The following SUCLA2 variants were observed in gnomAD, a reference collection of about 807,000 sequenced individuals.
SUCLA2 encodes succinate--CoA ligase [ADP-forming] subunit beta, mitochondrial.
Under a neutral mutation model 54.8 loss-of-function variants are expected in SUCLA2, and 30 were observed. The observed-to-expected ratio is 0.55, with a 90% CI of 0.41 to 0.74. SUCLA2 has a LOEUF of 0.74. Ranked by LOEUF, SUCLA2 falls within the 30% of genes least tolerant of loss-of-function variation. The probability of loss-of-function intolerance (pLI) is 0.00; values close to 1 mark genes in which losing one functional copy is unlikely to be tolerated. For missense variants in SUCLA2, 476 were observed against 562.9 expected (o/e 0.85, Z 1.56); for synonymous variants, 172 against 188.9 (o/e 0.91, Z 0.74).
At chr13:47,954,350 A>T (rs1949801816) in intron 7 of SUCLA2, 46 bp downstream of exon 7, 2 of 1,613,724 alleles carry the variant, frequency 1.2e-6, no homozygotes, top group African/African-American at 2.7e-5. Flanking sequence ...TAGTAAATCC[A>T]AATTAAACTT....
intron 5 of SUCLA2, chr13:47,971,570 T>C (rs562371549): frequency 2.2e-5 from 6 of 273,776 alleles, no homozygotes; most frequent in Non-Finnish European, 4.0e-5. Context: ...GGGGGAAGAA[T>C]GGAGGGGAAG....
intron 1 of SUCLA2, among the ~76,000 whole-genome samples, chr13:47,999,710 GA>G (rs11346941): frequency 0.83 from 119,554 of 144,072 alleles, 49,474 homozygotes; most frequent in East Asian, 0.96. Flanking sequence ...CCGTCTCAAG[GA>G]AAAAAAAAAA....
intron 4 of SUCLA2, among the ~76,000 whole-genome samples, chr13:47,974,180 A>G (rs1949990304): frequency 1.3e-5 from 2 of 152,316 alleles, no homozygotes; most frequent in South Asian, 2.1e-4. Context: ...CTGAGGGGAC[A>G]TTAAAAGTAT....
intron 4 of SUCLA2, among the ~76,000 whole-genome samples, chr13:47,985,693 A>T (rs1292293223): frequency 6.6e-6 from 1 of 152,154 alleles, no homozygotes; most frequent in East Asian, 1.9e-4. Context: ...TGCTGCAGTG[A>T]ACATACCGAT....
At chr13:47,970,050 C>G (rs572803848) in intron 5 of SUCLA2, among the ~76,000 whole-genome samples, 1 of 149,956 alleles carries the variant, frequency 6.7e-6, no homozygotes, top group Non-Finnish European at 1.5e-5. Flanking sequence ...TGCAGTGAGC[C>G]GAGATCACAC....
chr13:47,965,792 T>C (rs966184529), intron 6 of SUCLA2, among the ~76,000 whole-genome samples: 1 of 152,246 alleles, frequency 6.6e-6, no homozygotes, highest in Admixed American at 6.5e-5. Context: ...CTTGCGCCTG[T>C]AATCCCAGGA....
intron 8 of SUCLA2, among the ~76,000 whole-genome samples, chr13:47,953,193 C>T (rs1949790409): frequency 6.6e-6 from 1 of 152,138 alleles, no homozygotes; most frequent in Non-Finnish European, 1.5e-5. Flanking sequence ...ATGTCAGTCC[C>T]CTACACTGTA....
chr13:47,949,450 T>A, intron 9 of SUCLA2, 33 bp downstream of exon 9: 1 of 1,612,408 alleles, frequency 6.2e-7, no homozygotes, highest in Non-Finnish European at 8.5e-7. Flanking sequence ...TTTAAAGAAT[T>A]AGGAACAACT....
rs1949700047 is a variant in SUCLA2 at position 47,943,269 on chromosome 13, A to G, written c.*102T>C. ...GTTTGTGTGCCTAGATGGCAATTAC[A>G]ATCTCCACACACTAAAAAGAAAAAG... On this transcript the variant is annotated 3_prime_UTR_variant, in exon 11 of 11. Coordinates refer to ENST00000646932, the MANE Select transcript of SUCLA2 (RefSeq NM_003850.3). 8.4e-7 allele frequency: 1 copy of G among 1,189,754 alleles called. No homozygotes were observed. Among genetic ancestry groups the G allele is most frequent in the African/African-American group, 1.5e-5 (1 of 66,576 alleles). 73.7% of individuals were successfully genotyped at this position (1,189,754 alleles called of 1,614,324 possible). A position where few individuals can be genotyped will look rare whatever the true frequency, so the allele number is the denominator to read the frequency against.
chr13:47,968,465 T>C, intron 6 of SUCLA2, 130 bp downstream of exon 6: 1 of 1,019,568 alleles, frequency 9.8e-7, no homozygotes, highest in Non-Finnish European at 1.4e-6. Context: ...TCATTCTATC[T>C]GATTTTTTTT....
At chr13:47,959,344 T>C (rs951832582) in intron 6 of SUCLA2, among the ~76,000 whole-genome samples, 12 of 80,170 alleles carry the variant, frequency 1.5e-4, no homozygotes, top group African/African-American at 5.1e-4. Context: ...ATAATAATTT[T>C]GTATGTGAAA....
chr13:47,978,831 A>C (rs1283979204), intron 4 of SUCLA2, among the ~76,000 whole-genome samples: 1 of 152,208 alleles, frequency 6.6e-6, no homozygotes, highest in African/African-American at 2.4e-5. Context: ...AGAAAAAAAC[A>C]ACCCCATCAA....
chr13:47,986,034 T>TTC (rs759902234), intron 4 of SUCLA2, among the ~76,000 whole-genome samples: 1 of 130,984 alleles, frequency 7.6e-6, no homozygotes, highest in African/African-American at 2.8e-5. Context: ...GTATAGTTTT[T>TTC]TTTTTTTTTT....
intron 1 of SUCLA2, among the ~76,000 whole-genome samples, chr13:48,000,267 A>G (rs1249069929): frequency 6.6e-6 from 1 of 152,222 alleles, no homozygotes; most frequent in Non-Finnish European, 1.5e-5. Flanking sequence ...GCCCTTCCAC[A>G]GTTTTTTGTT....
At chr13:47,945,422 C>CAAAAAAAAAA (rs10661341) in intron 10 of SUCLA2, among the ~76,000 whole-genome samples, 2 of 50,010 alleles carry the variant, frequency 4.0e-5, no homozygotes, top group Admixed American at 3.6e-4. Flanking sequence ...GACTCAGTCT[C>CAAAAAAAAAA]AAAAAAAAAA....
chr13:47,965,807 C>T (rs750215506), intron 6 of SUCLA2, among the ~76,000 whole-genome samples: 18 of 152,156 alleles, frequency 1.2e-4, no homozygotes, highest in Non-Finnish European at 1.8e-4. Flanking sequence ...CCAGGACTTT[C>T]GGAGGCCGAG....
chr13:47,967,659 G>T (rs1344710621), intron 6 of SUCLA2, among the ~76,000 whole-genome samples: 1 of 147,810 alleles, frequency 6.8e-6, no homozygotes, highest in African/African-American at 2.5e-5. Context: ...TGGCCAACAT[G>T]GTGAAACCTC....
intron 4 of SUCLA2, among the ~76,000 whole-genome samples, chr13:47,974,089 A>T (rs201383040): frequency 3.9e-4 from 3 of 7,766 alleles, no homozygotes; most frequent in South Asian, 3.4e-3. Flanking sequence ...AAGTATAATT[A>T]AAAAAAAAAA....
intron 6 of SUCLA2, among the ~76,000 whole-genome samples, chr13:47,962,958 C>A (rs1300442963): frequency 6.6e-6 from 1 of 152,190 alleles, no homozygotes; most frequent in Non-Finnish European, 1.5e-5. Flanking sequence ...GAGACTCTTA[C>A]CACGTATTCA....
Sources: gnomAD v4.1 joint callset for allele counts (sites outside exome capture counted in the v4.1 genomes callset) on GRCh38, gnomAD v4.1.1 for gene constraint, MANE v1.5 for transcripts, NCBI Gene and HGNC (gene_info 2026-07-23, HGNC 2026-07-21) for gene names.